Variants in WDFY3 observed in about 807,000 individuals in gnomAD.
The protein encoded by WDFY3 is WD repeat and FYVE domain containing 3, also known as WD repeat and FYVE domain-containing protein 3.
WDFY3 carries 66 observed loss-of-function variants against 409.6 expected under a neutral mutation model. The observed-to-expected ratio is 0.16, with a 90% CI of 0.13 to 0.20. The LOEUF (loss-of-function observed/expected upper bound fraction) is 0.20, where lower values mean the gene tolerates loss of function less well. Ranked by LOEUF, WDFY3 falls within the 10% of genes least tolerant of loss-of-function variation. WDFY3 has a pLI of 1.00. For synonymous variants in WDFY3, 1,521 were observed against 1,537.1 expected (o/e 0.99, Z 0.25); for missense variants, 3,031 against 4,298.1 (o/e 0.71, Z 8.24).
chr4:84,819,128 A>G lies in WDFY3; in HGVS notation c.1693+957T>C, dbSNP rs1578666322. ...ATTCAAGTCTATCTTAGCATTTGCCAAATTTGTATCAGACTAATTACTTCT... is the reference window on the plus strand; with the variant it reads ...ATTCAAGTCTATCTTAGCATTTGCCGAATTTGTATCAGACTAATTACTTCT... On this transcript the variant is annotated intron_variant, in intron 12 of 67. Coordinates refer to ENST00000295888, the MANE Select transcript of WDFY3 (RefSeq NM_014991.6). 2.0e-5 allele frequency among the ~76,000 whole-genome samples: 3 copies of G among 152,104 alleles called. No individual in the cohort carries two copies. In the South Asian group the frequency reaches 6.2e-4, roughly 31 times the overall value.
intron 5 of WDFY3, among the ~76,000 whole-genome samples, chr4:84,846,875 C>T (rs967643090): frequency 6.6e-6 from 1 of 151,820 alleles, no homozygotes; most frequent in Admixed American, 6.6e-5. Flanking sequence ...TACCAAAGAA[C>T]CCCTGAGAGG....
intron 15 of WDFY3, among the ~76,000 whole-genome samples, chr4:84,807,851 T>C (rs1161296789): frequency 6.6e-6 from 1 of 152,124 alleles, no homozygotes; most frequent in African/African-American, 2.4e-5. Context: ...CATACTTCAA[T>C]TGGTTGAATC....
chr4:84,815,135 G>T (rs147605105), intron 13 of WDFY3, among the ~76,000 whole-genome samples: 2 of 152,154 alleles, frequency 1.3e-5, no homozygotes, highest in Admixed American at 1.3e-4. Context: ...TACTAGTAGA[G>T]GAAGTGAAAG....
At chr4:84,747,150 C>A (rs781653661) in intron 36 of WDFY3, among the ~76,000 whole-genome samples, 1 of 152,172 alleles carries the variant, frequency 6.6e-6, no homozygotes, top group Non-Finnish European at 1.5e-5. Context: ...ACAGCAAAGC[C>A]AGTCAACATA....
At chr4:84,684,871 A>T (rs1344344987) in intron 62 of WDFY3, among the ~76,000 whole-genome samples, 1 of 152,214 alleles carries the variant, frequency 6.6e-6, no homozygotes, top group East Asian at 1.9e-4. Context: ...TAGTTAAAGA[A>T]AGGAGGATGC....
intron 38 of WDFY3, among the ~76,000 whole-genome samples, chr4:84,741,542 T>A (rs1738427826): frequency 6.6e-6 from 1 of 152,162 alleles, no homozygotes; most frequent in East Asian, 1.9e-4. Flanking sequence ...CTCCAACTTC[T>A]GACCTCAAGT....
In WDFY3 at chr4:84,716,578, T is replaced by C. The variant is rs952523114; in HGVS notation, c.7875+318A>G. On this transcript the variant is annotated intron_variant, in intron 49 of 67. Coordinates refer to ENST00000295888, the MANE Select transcript of WDFY3 (RefSeq NM_014991.6). ...TTGGGAGGCCAAGGCGGGCGGATCA[T>C]GAGGTCAGGAGATCGAGACCATCCT... is the stretch of plus-strand genomic sequence containing the variant. Among the ~76,000 whole-genome samples, 6 of 147,938 alleles carry C rather than the reference T, an allele frequency of 4.1e-5. No homozygotes were observed. In the East Asian group the frequency reaches 6.3e-4, roughly 15 times the overall value.
chr4:84,862,052 G>C (rs1760717952), intron 3 of WDFY3, among the ~76,000 whole-genome samples: 1 of 152,152 alleles, frequency 6.6e-6, no homozygotes, highest in African/African-American at 2.4e-5. Context: ...AAGAAATGAA[G>C]GACTACAGCA....
At chr4:84,834,095 AGTT>A (rs1039441849) in intron 7 of WDFY3, among the ~76,000 whole-genome samples, 2 of 152,348 alleles carry the variant, frequency 1.3e-5, no homozygotes. Context: ...TAGTGATTAT[AGTT>A]GTTGTTGGTT....
intron 43 of WDFY3, 26 bp downstream of exon 43, chr4:84,735,017 C>T: frequency 6.3e-7 from 1 of 1,589,252 alleles, no homozygotes; most frequent in African/African-American, 1.3e-5. Context: ...GTAAAACAAA[C>T]CATTATGATG....
chr4:84,942,611 C>T (rs1284923809), intron 1 of WDFY3, among the ~76,000 whole-genome samples: 1 of 152,164 alleles, frequency 6.6e-6, no homozygotes, highest in East Asian at 1.9e-4. Flanking sequence ...AATGGCTATA[C>T]CATTTCACCA....
intron 32 of WDFY3, among the ~76,000 whole-genome samples, chr4:84,762,938 C>A (rs1742942523): frequency 6.6e-6 from 1 of 151,462 alleles, no homozygotes; most frequent in Non-Finnish European, 1.5e-5. Flanking sequence ...ATAACAAGAC[C>A]CAATCTCTAA....
intron 2 of WDFY3, among the ~76,000 whole-genome samples, chr4:84,931,999 G>T (rs535863931): frequency 1.3e-5 from 2 of 152,160 alleles, no homozygotes; most frequent in South Asian, 4.2e-4. Flanking sequence ...TCATCTGTAG[G>T]TACCTACAAG....
intron 45 of WDFY3, among the ~76,000 whole-genome samples, chr4:84,725,103 A>G (rs1324808688): frequency 6.6e-6 from 1 of 152,204 alleles, no homozygotes; most frequent in African/African-American, 2.4e-5. Context: ...TCTTTCCTAT[A>G]TTCCCAGGTT....
At chr4:84,809,258 T>C (rs1752071297) in intron 14 of WDFY3, 2 of 152,312 alleles carry the variant, frequency 1.3e-5, no homozygotes, top group South Asian at 4.1e-4. Flanking sequence ...ATTGTTTATT[T>C]ATGTGTCTAC....
chr4:84,814,243 G>C (rs1366748708), intron 13 of WDFY3, among the ~76,000 whole-genome samples: 3 of 152,152 alleles, frequency 2.0e-5, no homozygotes, highest in African/African-American at 4.8e-5. Flanking sequence ...CCTGGAGACA[G>C]CAAAGAAATG....
chr4:84,931,294 C>T (rs1274298543), intron 2 of WDFY3, among the ~76,000 whole-genome samples: 2 of 152,152 alleles, frequency 1.3e-5, no homozygotes, highest in Non-Finnish European at 2.9e-5. Context: ...CAATGCAAAG[C>T]TTTTAAATTA....
chr4:84,846,877 CCT>C (rs1353876203), intron 5 of WDFY3, among the ~76,000 whole-genome samples: 1 of 151,602 alleles, frequency 6.6e-6, no homozygotes, highest in African/African-American at 2.4e-5. Context: ...CCAAAGAACC[CCT>C]GAGAGGCTCA....
intron 48 of WDFY3, among the ~76,000 whole-genome samples, chr4:84,717,823 C>A (rs573169914): frequency 6.6e-6 from 1 of 151,922 alleles, no homozygotes; most frequent in African/African-American, 2.4e-5. Flanking sequence ...CCGAGGCGGG[C>A]GGATCACAAG....
Sources: gnomAD v4.1 joint callset for allele counts (sites outside exome capture counted in the v4.1 genomes callset) on GRCh38, gnomAD v4.1.1 for gene constraint, MANE v1.5 for transcripts, NCBI Gene and HGNC (gene_info 2026-07-23, HGNC 2026-07-21) for gene names.